Variants in CTXND1 observed in about 807,000 individuals in gnomAD.
The protein encoded by CTXND1 is cortexin domain containing 1, also known as cortexin domain-containing 1 protein.
intron 1 of CTXND1, among the ~76,000 whole-genome samples, chr15:80,244,591 G>T (rs1490456028): frequency 6.6e-6 from 1 of 152,178 alleles, no homozygotes; most frequent in Non-Finnish European, 1.5e-5. Flanking sequence ...AGTGGTGCAG[G>T]GTGAACCCGT....
At chr15:80,248,060 C>A (rs1020242885) in intron 1 of CTXND1, among the ~76,000 whole-genome samples, 1 of 152,254 alleles carries the variant, frequency 6.6e-6, no homozygotes, top group African/African-American at 2.4e-5. Flanking sequence ...AGCCTACTCT[C>A]AATGGAGAGG....
At chr15:80,237,257 C>G (rs111258656) in intron 1 of CTXND1, among the ~76,000 whole-genome samples, 3,496 of 149,778 alleles carry the variant, frequency 0.023, 127 homozygotes, top group African/African-American at 0.081. Flanking sequence ...ATGTCCTGAA[C>G]CTGGGAGGTG....
intron 1 of CTXND1, among the ~76,000 whole-genome samples, chr15:80,220,983 A>T (rs920437785): frequency 6.7e-6 from 1 of 149,944 alleles, no homozygotes; most frequent in Non-Finnish European, 1.5e-5. Flanking sequence ...ATCTCTGCTC[A>T]CTGCAAGCTC....
intron 1 of CTXND1, among the ~76,000 whole-genome samples, chr15:80,218,889 A>G (rs533247011): frequency 6.6e-6 from 1 of 151,700 alleles, no homozygotes; most frequent in Non-Finnish European, 1.5e-5. Context: ...TTTTTATTAT[A>G]TAAGAAGAAT....
chr15:80,223,971 G>C (rs767208816), intron 1 of CTXND1, among the ~76,000 whole-genome samples: 10 of 152,138 alleles, frequency 6.6e-5, no homozygotes, highest in Non-Finnish European at 1.5e-4. Context: ...GATAAAATGA[G>C]GTAGAAATGA....
rs149403001 is a variant in CTXND1, at chr15:80,245,800, C to T, written c.-218+6207G>A. Among the ~76,000 whole-genome samples, 548 of 152,286 alleles carry T rather than the reference C, an allele frequency of 3.6e-3. 3 individuals carry two copies. The highest frequency in any genetic ancestry group is 0.013 in the African/African-American group (527 of 41,560). ...CTCTGCTGCCCAAATCTGTCCATTG[C>T]TCAAAGTCTCATCAAACTCCACTCT... On this transcript the variant is annotated intron_variant, in intron 1 of 2. Transcript: ENST00000560778.
At position 80,207,811 on chromosome 15, in the gene CTXND1, A is replaced by G. The variant is rs1027737721; in HGVS notation, c.-217-4071T>C. Among the ~76,000 whole-genome samples, 8 of 152,228 alleles carry G rather than the reference A, an allele frequency of 5.3e-5. No homozygotes were observed. The South Asian group carries it at 1.4e-3, about 28-fold the overall frequency. On this transcript the variant is annotated intron_variant, in intron 1 of 2. Coordinates refer to ENST00000560778, the MANE Select transcript of CTXND1 (RefSeq NM_001352888.2). ...GGCTGTGTCTATCTTTGGTTTGACA[A>G]TATTCCTAGGGTGTTGCACTGTAGG...
rs374141650 is a variant in CTXND1 at position 80,201,658 on chromosome 15, CA to C, written c.*111del. The C allele has an allele frequency of 1.6e-3, 645 of 397,670 alleles. 3 individuals are homozygous for C. Among genetic ancestry groups the C allele is most frequent in the African/African-American group, 0.013 (614 of 48,740 alleles). The allele number at this position is 397,670 out of a possible 1,614,324, so 24.6% of individuals were successfully genotyped here. A position where few individuals can be genotyped will look rare whatever the true frequency, so the allele number is the denominator to read the frequency against. On this transcript the variant is annotated 3_prime_UTR_variant, in exon 3 of 3. Coordinates refer to ENST00000560778, the MANE Select transcript of CTXND1 (RefSeq NM_001352888.2). ...TGCACCTTCTGTTTCCCTGGGTGGC[CA>C]GATTCATTCCTTGCCTCTGTGGGAT...
chr15:80,232,665 T>G (rs1196572086), intron 1 of CTXND1, among the ~76,000 whole-genome samples: 1 of 152,146 alleles, frequency 6.6e-6, no homozygotes, highest in Non-Finnish European at 1.5e-5. Flanking sequence ...GCTCTGTCTG[T>G]GCCCTGAAGC....
At chr15:80,203,355 C>T (rs1322027795) in intron 2 of CTXND1, among the ~76,000 whole-genome samples, 3 of 152,222 alleles carry the variant, frequency 2.0e-5, no homozygotes, top group Non-Finnish European at 2.9e-5. Context: ...AACTGAGGCA[C>T]TGAGCAGGGA....
chr15:80,234,888 T>A (rs1893475221), intron 1 of CTXND1, among the ~76,000 whole-genome samples: 1 of 152,224 alleles, frequency 6.6e-6, no homozygotes, highest in Admixed American at 6.5e-5. Context: ...GACAGAAACC[T>A]GCCGTGTTTT....
intron 1 of CTXND1, among the ~76,000 whole-genome samples, chr15:80,220,912 A>T (rs11072887): frequency 0.039 from 5,560 of 141,566 alleles, 132 homozygotes; most frequent in East Asian, 0.057. Context: ...TATTATTATT[A>T]TTTTTTTTTT....
At chr15:80,234,744 C>T (rs577149639) in intron 1 of CTXND1, among the ~76,000 whole-genome samples, 74 of 152,172 alleles carry the variant, frequency 4.9e-4, no homozygotes, top group Non-Finnish European at 5.0e-4. Flanking sequence ...TCCCAAATTG[C>T]TGGGATTATA....
chr15:80,217,355 G>C (rs1034103411), intron 1 of CTXND1, among the ~76,000 whole-genome samples: 2 of 151,978 alleles, frequency 1.3e-5, no homozygotes, highest in African/African-American at 2.4e-5. Flanking sequence ...CTAATACACT[G>C]TCAGATTCAA....
chr15:80,243,869 A>T (rs1005517443), intron 1 of CTXND1, among the ~76,000 whole-genome samples: 1 of 152,210 alleles, frequency 6.6e-6, no homozygotes, highest in African/African-American at 2.4e-5. Context: ...TGTAGTCAAC[A>T]TGGAAGAGCA....
chr15:80,231,889 C>T lies in CTXND1; in HGVS notation c.-218+20118G>A, dbSNP rs540399504. Among the ~76,000 whole-genome samples the T allele has an allele frequency of 4.6e-5, 7 of 152,282 alleles. No homozygotes were observed. The South Asian group carries it at 8.3e-4, about 18-fold the overall frequency. On this transcript the variant is annotated intron_variant, in intron 1 of 2. Transcript: ENST00000560778. ...GTTTTGGAAGAGGTTTTTCCATTCA[C>T]GGTATTGTTTAAGCATGAACAATTG...
chr15:80,234,965 G>A (rs1478989905), intron 1 of CTXND1, among the ~76,000 whole-genome samples: 1 of 149,514 alleles, frequency 6.7e-6, no homozygotes, highest in Non-Finnish European at 1.5e-5. Context: ...AGAGCAGCAG[G>A]CTGAGGTTCG....
intron 1 of CTXND1, among the ~76,000 whole-genome samples, chr15:80,212,694 C>T (rs188263756): frequency 6.6e-5 from 10 of 152,208 alleles, no homozygotes; most frequent in South Asian, 2.1e-4. Flanking sequence ...TAAATCACCA[C>T]GACATATATG....
intron 1 of CTXND1, among the ~76,000 whole-genome samples, chr15:80,219,702 T>C (rs1181075991): frequency 6.6e-6 from 1 of 152,218 alleles, no homozygotes; most frequent in Non-Finnish European, 1.5e-5. Context: ...TATTATCAGA[T>C]GTGAATTTCT....
Sources: allele counts gnomAD v4.1 joint callset (sites outside exome capture counted in the v4.1 genomes callset), GRCh38; gene constraint gnomAD v4.1.1; transcripts MANE v1.5; gene names NCBI Gene and HGNC (gene_info 2026-07-23, HGNC 2026-07-21).